The following CACNA2D1 variants were observed in gnomAD, a reference collection of about 807,000 sequenced individuals.
CACNA2D1 encodes the protein calcium voltage-gated channel auxiliary subunit alpha2delta 1.
CACNA2D1 carries 53 observed loss-of-function variants against 171.5 expected under a neutral mutation model. That is an observed-to-expected ratio of 0.31 (90% CI 0.25 to 0.39). The LOEUF (loss-of-function observed/expected upper bound fraction) is 0.39, where lower values mean the gene tolerates loss of function less well. Ranked by LOEUF, CACNA2D1 falls within the 10% of genes least tolerant of loss-of-function variation. The pLI is 1.00. For synonymous variants in CACNA2D1, 442 were observed against 443.1 expected (o/e 1.00, Z 0.03); for missense variants, 903 against 1,299.8 (o/e 0.69, Z 4.69).
chr7:82,137,707 T>TTAAAAAAAA (rs1770795225), intron 4 of CACNA2D1, among the ~76,000 whole-genome samples: 1 of 78,844 alleles, frequency 1.3e-5, no homozygotes, highest in Non-Finnish European at 2.4e-5. Context: ...CCGTCTCTAC[T>TTAAAAAAAA]AAAAAAAAAA....
intron 7 of CACNA2D1, among the ~76,000 whole-genome samples, chr7:82,071,256 G>A (rs1292267442): frequency 6.6e-6 from 1 of 152,118 alleles, no homozygotes; most frequent in Non-Finnish European, 1.5e-5. Flanking sequence ...TAATCCTAGA[G>A]AATACTACCA....
At chr7:82,091,100 T>C (rs796603852) in intron 6 of CACNA2D1, among the ~76,000 whole-genome samples, 2 of 152,288 alleles carry the variant, frequency 1.3e-5, no homozygotes, top group African/African-American at 4.8e-5. Context: ...GAATCCACTT[T>C]AAGGAGTAGA....
In CACNA2D1 at chr7:82,405,965, G is replaced by A. The variant is rs554421535; in HGVS notation, c.95+37400C>T. 3.4e-3 allele frequency among the ~76,000 whole-genome samples: 522 copies of A among 152,146 alleles called. 2 individuals carry two copies. Among genetic ancestry groups the A allele is most frequent in the African/African-American group, 0.012 (499 of 41,490 alleles). On this transcript the variant is annotated intron_variant, in intron 1 of 38. Transcript: ENST00000356860. ...GCAGGTTTGTTACATATGTATCCAC[G>A]TGCCATGTTGGTGTGCTGCACCCAT... is the stretch of plus-strand genomic sequence containing the variant.
At chr7:82,278,557 TAA>T (rs59630150) in intron 3 of CACNA2D1, among the ~76,000 whole-genome samples, 27,680 of 107,402 alleles carry the variant, frequency 0.26, 3,438 homozygotes, top group African/African-American at 0.39. Context: ...GACTCTGTCT[TAA>T]AAAAAAAAAA....
intron 7 of CACNA2D1, among the ~76,000 whole-genome samples, chr7:82,081,081 A>T (rs539427246): frequency 6.6e-6 from 1 of 152,352 alleles, no homozygotes; most frequent in African/African-American, 2.4e-5. Flanking sequence ...CACAGCTAGC[A>T]GGGAGAGCCT....
chr7:82,194,274 C>T (rs1990071), intron 3 of CACNA2D1, among the ~76,000 whole-genome samples: 107,281 of 151,776 alleles, frequency 0.71, 38,839 homozygotes, highest in African/African-American at 0.87. Flanking sequence ...GCTCCGGTGA[C>T]TGTCTCAACC....
At chr7:82,356,963 T>C (rs989664364) in intron 1 of CACNA2D1, among the ~76,000 whole-genome samples, 2 of 152,188 alleles carry the variant, frequency 1.3e-5, no homozygotes, top group African/African-American at 4.8e-5. Context: ...GGTTTCTAAA[T>C]GTTTGGTGTC....
chr7:82,103,239 G>A (rs992733931), intron 6 of CACNA2D1, among the ~76,000 whole-genome samples: 1 of 152,104 alleles, frequency 6.6e-6, no homozygotes, highest in Non-Finnish European at 1.5e-5. Flanking sequence ...ACCAGGAGGT[G>A]GAGGTTGCAG....
rs75482502 is a variant in CACNA2D1, at chr7:82,112,998, T to C, written c.526+4046A>G. Among the ~76,000 whole-genome samples the C allele has an allele frequency of 4.1e-3, 624 of 152,260 alleles. 4 individuals are homozygous for C. The highest frequency in any genetic ancestry group is 0.014 in the African/African-American group (587 of 41,564). ...AAAAGATAATACAACTCATGAAAATTGTCTTCTTTTATCAAAATGAAGATA... is the reference window on the plus strand; with the variant it reads ...AAAAGATAATACAACTCATGAAAATCGTCTTCTTTTATCAAAATGAAGATA... On this transcript the variant is annotated intron_variant, in intron 6 of 38. Transcript: ENST00000356860.
In CACNA2D1 at chr7:82,248,408, G is replaced by A. The variant is rs1364560187; in HGVS notation, c.295-77799C>T. Among the ~76,000 whole-genome samples the A allele has an allele frequency of 2.0e-5, 3 of 152,054 alleles. No homozygotes were observed. The East Asian group carries it at 5.8e-4, about 29-fold the overall frequency. On this transcript the variant is annotated intron_variant, in intron 3 of 38. Transcript: ENST00000356860. ...CCACACAGAAACTACACCCAGGGGT[G>A]ACCCCATTTGAACTGTGCTGTTGAT...
rs563643190 is a variant in CACNA2D1 at position 82,052,109 on chromosome 7, A to G, written c.879+8319T>C. Among the ~76,000 whole-genome samples the G allele has an allele frequency of 2.8e-3, 421 of 152,318 alleles. 4 individuals carry two copies. The highest frequency in any genetic ancestry group is 0.02 in the South Asian group (98 of 4,830). On this transcript the variant is annotated intron_variant, in intron 10 of 38. Transcript: ENST00000356860. The stretch of plus-strand genomic sequence containing the variant: ...TTTTTCTGTTTGGTGGCTTCTGGGC[A>G]ACTTTGGGAAAGTGTTAATATAGAT...
At chr7:82,134,050 G>T (rs1021298594) in intron 5 of CACNA2D1, among the ~76,000 whole-genome samples, 1 of 151,914 alleles carries the variant, frequency 6.6e-6, no homozygotes, top group African/African-American at 2.4e-5. Flanking sequence ...TCCAGCCTGG[G>T]CGACAGAGCG....
chr7:82,047,396 GA>G (rs1246979361), intron 10 of CACNA2D1, among the ~76,000 whole-genome samples: 1 of 152,076 alleles, frequency 6.6e-6, no homozygotes, highest in African/African-American at 2.4e-5. Context: ...TGAGTACTTG[GA>G]AAATTCCCTA....
chr7:82,106,190 TG>T (rs1249767970), intron 6 of CACNA2D1, among the ~76,000 whole-genome samples: 2 of 152,186 alleles, frequency 1.3e-5, no homozygotes, highest in African/African-American at 4.8e-5. Flanking sequence ...ATCTTTTAAA[TG>T]CCTTTCTACC....
intron 1 of CACNA2D1, among the ~76,000 whole-genome samples, chr7:82,363,064 T>C (rs892768924): frequency 4.6e-5 from 7 of 152,214 alleles, no homozygotes; most frequent in South Asian, 4.1e-4. Context: ...TCTACATTGC[T>C]TAATTTTTCA....
In CACNA2D1 at chr7:81,961,982, G is replaced by C; in HGVS notation, c.2878C>G (p.Gln960Glu). The change falls in exon 36 of 39, where the codon CAG becomes GAG. Residue 960 changes from glutamine (Q) to glutamate (E), a missense_variant. Gln to Glu is a conservative substitution (Grantham distance 29). Coordinates refer to ENST00000356860, the MANE Select transcript of CACNA2D1 (RefSeq NM_000722.4). ...DDDFTASLSK[Q>E]SCITEQTQYF... ...TGGGTTTGTTCAGTAATGCAGCTCT[G>C]CTTGGACAGGGAGGCCGTGAAGTCA... 6.2e-7 allele frequency: 1 copy of C among 1,612,282 alleles called. No individual in the cohort carries two copies. Among genetic ancestry groups the C allele is most frequent in the Non-Finnish European group, 8.5e-7 (1 of 1,178,902 alleles).
At chr7:81,996,942 G>T (rs898071177) in intron 19 of CACNA2D1, among the ~76,000 whole-genome samples, 5 of 151,892 alleles carry the variant, frequency 3.3e-5, no homozygotes, top group African/African-American at 1.2e-4. Context: ...TCTACCTTTA[G>T]GAAGAGAAAG....
At chr7:82,378,536 C>T (rs900543075) in intron 1 of CACNA2D1, among the ~76,000 whole-genome samples, 13 of 152,110 alleles carry the variant, frequency 8.5e-5, no homozygotes, top group Admixed American at 3.9e-4. Context: ...TGTTTTTTAA[C>T]GATAGAATTT....
At chr7:82,245,661 C>CACA (rs1804824516) in intron 3 of CACNA2D1, among the ~76,000 whole-genome samples, 1 of 120,270 alleles carries the variant, frequency 8.3e-6, no homozygotes, top group South Asian at 2.8e-4. Flanking sequence ...CTCTCTCTCT[C>CACA]TCACACACAC....
Sources: allele counts gnomAD v4.1 joint callset (sites outside exome capture counted in the v4.1 genomes callset), GRCh38; gene constraint gnomAD v4.1.1; transcripts MANE v1.5; gene names NCBI Gene and HGNC (gene_info 2026-07-23, HGNC 2026-07-21).